Variants in FBXL5 observed in about 807,000 individuals in gnomAD.
FBXL5 encodes the protein F-box/LRR-repeat protein 5.
Under a neutral mutation model 78.3 loss-of-function variants are expected in FBXL5, and 26 were observed. The ratio of observed to expected loss-of-function variants is 0.33; its 90% confidence interval spans 0.24 to 0.46. The LOEUF is 0.46. Among genes scored for constraint, FBXL5 ranks in the 20% least tolerant of loss-of-function variants. The pLI, the probability that FBXL5 is intolerant of heterozygous loss-of-function variation, is 1.00. For synonymous variants in FBXL5, 295 were observed against 282.5 expected (o/e 1.04, Z -0.45); for missense variants, 710 against 829.2 (o/e 0.86, Z 1.77).
intron 9 of FBXL5, 124 bp downstream of exon 9, chr4:15,625,128 G>T: frequency 1.8e-6 from 2 of 1,094,296 alleles, no homozygotes; most frequent in African/African-American, 1.6e-5. Context: ...AAGTAGGGCA[G>T]ATCTTGGTTA....
In FBXL5 at chr4:15,638,683, G is replaced by C. The variant is rs368221032; in HGVS notation, c.408C>G (p.Pro136=). The C allele has an allele frequency of 6.3e-7, 1 of 1,592,906 alleles. No homozygotes were observed. The highest frequency in any genetic ancestry group is 8.5e-7 in the Non-Finnish European group (1 of 1,172,754). ...HMKEEEEVFQ[P]MLMEYFTYEE... Reference sequence around the variant, plus strand: ...CATAGGTAAAATATTCCATTAACATGGGCTGAAAAACCTAAATTAAACAAA... The same window carrying C: ...CATAGGTAAAATATTCCATTAACATCGGCTGAAAAACCTAAATTAAACAAA... The change falls in exon 4 of 11, where the codon CCC becomes CCG. Residue 136 remains proline (P), a synonymous_variant. Coordinates refer to ENST00000341285, the MANE Select transcript of FBXL5 (RefSeq NM_012161.4).
chr4:15,606,926 C>T (rs759199058), intron 10 of FBXL5, among the ~76,000 whole-genome samples: 1 of 152,142 alleles, frequency 6.6e-6, no homozygotes. Flanking sequence ...AGCAAGTAAG[C>T]TAATACTACC....
intron 8 of FBXL5, among the ~76,000 whole-genome samples, chr4:15,626,212 A>T (rs1462903710): frequency 6.6e-6 from 1 of 152,200 alleles, no homozygotes; most frequent in Non-Finnish European, 1.5e-5. Flanking sequence ...AGGATTTGAG[A>T]GGCGTAAGGA....
intron 9 of FBXL5, among the ~76,000 whole-genome samples, chr4:15,624,688 CAT>C (rs1357250963): frequency 3.3e-5 from 5 of 150,366 alleles, no homozygotes; most frequent in African/African-American, 1.2e-4. Context: ...ACTTCTTCCA[CAT>C]GTTCTCTTTA....
chr4:15,620,061 C>T (rs938627743), intron 9 of FBXL5, among the ~76,000 whole-genome samples: 4 of 151,918 alleles, frequency 2.6e-5, no homozygotes, highest in African/African-American at 9.7e-5. Flanking sequence ...AGAGCAAGAC[C>T]CTGTCTCAAA....
intron 2 of FBXL5, among the ~76,000 whole-genome samples, 179 bp from the exon 3 acceptor site, chr4:15,641,062 T>A (rs1183704607): frequency 6.6e-6 from 1 of 152,194 alleles, no homozygotes; most frequent in Non-Finnish European, 1.5e-5. Flanking sequence ...TTTGAATTAC[T>A]TTAGTAATGT....
At chr4:15,674,202 GTGT>G (rs1466853422) in intron 1 of FBXL5, among the ~76,000 whole-genome samples, 2 of 129,988 alleles carry the variant, frequency 1.5e-5, no homozygotes, top group Non-Finnish European at 3.3e-5. Context: ...CAAATGCATC[GTGT>G]TTTTTTTTTT....
At chr4:15,653,672 A>G (rs1716430619) in intron 1 of FBXL5, among the ~76,000 whole-genome samples, 1 of 152,114 alleles carries the variant, frequency 6.6e-6, no homozygotes, top group Non-Finnish European at 1.5e-5. Flanking sequence ...CTATTAAAGA[A>G]TGGTGTCTGA....
chr4:15,612,297 A>G lies in FBXL5; in HGVS notation c.1968T>C (p.Asp656=). 1 of 1,610,328 alleles carries G rather than the reference A, an allele frequency of 6.2e-7. No individual in the cohort carries two copies. Among genetic ancestry groups the G allele is most frequent in the East Asian group, 2.2e-5 (1 of 44,742 alleles). ...DLVSACPSLN[D]EYFYYCDNIN... is the part of the protein sequence containing the mutation. ...TGTTGTCACAGTAGTAAAAGTATTCATCATTCAGAGAAGGACATGCTGAAA... is the reference window on the plus strand; with the variant it reads ...TGTTGTCACAGTAGTAAAAGTATTCGTCATTCAGAGAAGGACATGCTGAAA... Residue 656 remains aspartate, a synonymous_variant, in exon 10 of 11, where the codon GAT becomes GAC. Transcript: ENST00000341285.
At chr4:15,669,432 A>C (rs1049481807) in intron 1 of FBXL5, among the ~76,000 whole-genome samples, 5 of 152,216 alleles carry the variant, frequency 3.3e-5, no homozygotes, top group African/African-American at 9.6e-5. Context: ...ATCAAACAAC[A>C]GAAATGTATT....
intron 1 of FBXL5, among the ~76,000 whole-genome samples, chr4:15,675,303 C>T (rs972998247): frequency 1.3e-5 from 2 of 151,978 alleles, no homozygotes; most frequent in Non-Finnish European, 2.9e-5. Flanking sequence ...ATATGGGAAG[C>T]AAAATACTAG....
upstream of FBXL5, among the ~76,000 whole-genome samples, chr4:15,656,753 C>T (rs1217197215): frequency 6.6e-6 from 1 of 152,102 alleles, no homozygotes; most frequent in Non-Finnish European, 1.5e-5. Context: ...ATAATACCTA[C>T]CTCAGAATCT....
upstream of FBXL5, among the ~76,000 whole-genome samples, chr4:15,658,314 A>G (rs548974263): frequency 2.6e-5 from 4 of 152,374 alleles, no homozygotes; most frequent in South Asian, 2.1e-4. Flanking sequence ...AAAATAGTCA[A>G]TCAACAACTG....
intron 5 of FBXL5, 168 bp downstream of exon 5, chr4:15,636,326 C>G (rs1714262026): frequency 2.1e-6 from 1 of 482,202 alleles, no homozygotes; most frequent in Admixed American, 3.8e-5. Flanking sequence ...CCATGAATTT[C>G]ATCACTGCTA....
chr4:15,622,899 A>G (rs1226772525), intron 9 of FBXL5, among the ~76,000 whole-genome samples: 3 of 152,182 alleles, frequency 2.0e-5, no homozygotes, highest in African/African-American at 7.2e-5. Flanking sequence ...AATACCTCAC[A>G]TGCAAGCTCT....
chr4:15,634,389 C>G (rs796113032), intron 5 of FBXL5, among the ~76,000 whole-genome samples: 5 of 151,706 alleles, frequency 3.3e-5, no homozygotes, highest in African/African-American at 1.2e-4. Flanking sequence ...TTTTTTGAGA[C>G]GGAGTCTCAC....
chr4:15,653,569 C>G (rs1362223208), intron 1 of FBXL5, among the ~76,000 whole-genome samples: 1 of 152,140 alleles, frequency 6.6e-6, no homozygotes, highest in East Asian at 1.9e-4. Flanking sequence ...CCTAGGCTAC[C>G]TCTCCACAGT....
intron 1 of FBXL5, among the ~76,000 whole-genome samples, chr4:15,653,404 A>T (rs545622079): frequency 3.3e-5 from 5 of 152,342 alleles, no homozygotes; most frequent in Non-Finnish European, 5.9e-5. Flanking sequence ...CTTCTTGAAA[A>T]TTTTAAAATA....
chr4:15,666,956 C>T (rs1483719755), intron 1 of FBXL5, among the ~76,000 whole-genome samples: 1 of 151,096 alleles, frequency 6.6e-6, no homozygotes. Context: ...TATATCAAAA[C>T]ATCACATTGT....
Sources: gnomAD v4.1 joint callset for allele counts (sites outside exome capture counted in the v4.1 genomes callset) on GRCh38, gnomAD v4.1.1 for gene constraint, MANE v1.5 for transcripts, NCBI Gene and HGNC (gene_info 2026-07-23, HGNC 2026-07-21) for gene names.